Variants in SYNPO2L observed in about 807,000 individuals in gnomAD.
SYNPO2L encodes synaptopodin 2 like, also known as synaptopodin 2-like protein.
Under a neutral mutation model 47.5 loss-of-function variants are expected in SYNPO2L, and 34 were observed. That is an observed-to-expected ratio of 0.72 (90% CI 0.54 to 0.95). SYNPO2L has a LOEUF of 0.95. Ranked by LOEUF, SYNPO2L falls within the 40% of genes least tolerant of loss-of-function variation. SYNPO2L has a pLI of 0.00. For missense variants in SYNPO2L, 1,246 were observed against 1,282.0 expected (o/e 0.97, Z 0.43); for synonymous variants, 536 against 524.9 (o/e 1.02, Z -0.29).
In SYNPO2L at chr10:73,646,700, C is replaced by A. The variant is rs2132415241; in HGVS notation, c.*18G>T. ...ACTGGATGTTCCACCTCTCCTTGGT[C>A]CTGGGACCTGTGCCTGTTCACTGGT... is the stretch of plus-strand genomic sequence containing the variant. On this transcript the variant is annotated 3_prime_UTR_variant, in exon 4 of 4. Coordinates refer to ENST00000394810, the MANE Select transcript of SYNPO2L (RefSeq NM_001114133.3). 1 of 1,460,492 alleles carries A rather than the reference C, an allele frequency of 6.8e-7. No homozygotes were observed. The highest frequency in any genetic ancestry group is 1.7e-5 in the South Asian group (1 of 59,372). The allele number at this position is 1,460,492 out of a possible 1,614,324, so 90.5% of individuals were successfully genotyped here. A position where few individuals can be genotyped will look rare whatever the true frequency, so the allele number is the denominator to read the frequency against.
intron 3 of SYNPO2L, chr10:73,651,158 C>A: frequency 8.2e-7 from 1 of 1,214,706 alleles, no homozygotes; most frequent in South Asian, 2.0e-5. Context: ...CTGGGCTGCC[C>A]CACAAGTGCC....
rs759365161 is a variant in SYNPO2L at position 73,648,825 on chromosome 10, T to C, written c.827A>G (p.Lys276Arg). 1 of 1,569,966 alleles carries C rather than the reference T, an allele frequency of 6.4e-7. No individual in the cohort carries two copies. The highest frequency in any genetic ancestry group is 8.6e-7 in the Non-Finnish European group (1 of 1,156,518). Residue 276 changes from lysine (K) to arginine (R), a missense_variant, in exon 4 of 4, where the codon AAA becomes AGA. Lys to Arg is a conservative substitution (Grantham distance 26). This residue lies in a region of SYNPO2L where 1,037 missense variants were observed against 1,021.5 expected (regional missense o/e 1.02). Transcript: ENST00000394810. ...QEKSIKEAKT[K>R]CRTIASLLTA... is the part of the protein sequence containing the mutation. ...GAGCAGGGATGCAATTGTCCTGCAT[T>C]TGGTCTTGGCCTCTTTTATGCTCTT...
intron 3 of SYNPO2L, among the ~76,000 whole-genome samples, chr10:73,651,936 G>A (rs1339176319): frequency 4.0e-5 from 6 of 151,490 alleles, no homozygotes; most frequent in Non-Finnish European, 8.8e-5. Flanking sequence ...TTAGCCAGGT[G>A]TAGTGGCGGG....
At chr10:73,653,893 C>T in intron 2 of SYNPO2L, 2 of 731,658 alleles carry the variant, frequency 2.7e-6, no homozygotes, top group Admixed American at 3.0e-5. Context: ...GAGGAGGAAA[C>T]AGGCCAGGGG....
Position 73,647,613 on chromosome 10 carries a change from C to G in SYNPO2L, c.2039G>C (p.Gly680Ala). The G allele has an allele frequency of 6.2e-7, 1 of 1,614,150 alleles. No homozygotes were observed. The highest frequency in any genetic ancestry group is 1.7e-4 in the Middle Eastern group (1 of 6,058). The change falls in exon 4 of 4, where the codon GGG (glycine) becomes GCG (alanine). Residue 680 changes from glycine to alanine, a missense_variant. Gly to Ala is a moderately conservative substitution (Grantham distance 60). Transcript: ENST00000394810. ...SGPEEDALSL[G>A]AEACNFMQPV... is the part of the protein sequence containing the mutation. ...CTGCATGAAGTTGCAGGCTTCAGCC[C>G]CGAGGCTCAGAGCATCTTCTTCAGG...
At chr10:73,651,572 T>TA (rs749084607) in intron 3 of SYNPO2L, among the ~76,000 whole-genome samples, 6 of 152,130 alleles carry the variant, frequency 3.9e-5, no homozygotes, top group Admixed American at 6.5e-5. Flanking sequence ...CGTTTACCCT[T>TA]AGACCTTGTT....
intron 3 of SYNPO2L, among the ~76,000 whole-genome samples, chr10:73,652,548 T>C (rs1314035272): frequency 6.6e-6 from 1 of 152,142 alleles, no homozygotes; most frequent in Non-Finnish European, 1.5e-5. Flanking sequence ...CGGGTGCCTA[T>C]AATCCCAGCT....
rs1411006755 is a variant in SYNPO2L at position 73,653,401 on chromosome 10, G to T, written c.510C>A (p.Ala170=). 12 of 1,551,424 alleles carry T rather than the reference G, an allele frequency of 7.7e-6. No homozygotes were observed. The highest frequency in any genetic ancestry group is 1.0e-5 in the Non-Finnish European group (12 of 1,146,948). ...CAGACAGGTAGACCTCATCAGGTGG[G>T]GCACCCGGAGGGGTGGGCCTTGTGG... The part of the protein sequence containing the change: ...RGPTRPTPPG[A]PPDEVYLSDS... The change falls in exon 3 of 4, where the codon GCC becomes GCA. Residue 170 remains alanine (A), a synonymous_variant. Transcript: ENST00000394810.
chr10:73,650,793 A>G (rs1258226638), intron 3 of SYNPO2L: 1 of 1,354,986 alleles, frequency 7.4e-7, no homozygotes, highest in African/African-American at 1.6e-5. Flanking sequence ...GAGGAAGAGG[A>G]CAGCAAAAAG....
chr10:73,647,821 C>T lies in SYNPO2L; in HGVS notation c.1831G>A (p.Glu611Lys). 2 of 1,591,342 alleles carry T rather than the reference C, an allele frequency of 1.3e-6. No individual in the cohort carries two copies. The highest frequency in any genetic ancestry group is 1.1e-5 in the South Asian group (1 of 87,940). ...GCAGCTGGCACAGAGATGCGCTGCT[C>T]GCGAGCGCTGGGGGGCTCAGGAGCC... The part of the protein sequence containing the change: ...PGAPEPPSAR[E>K]QRISVPAART... Residue 611 changes from glutamate (E) to lysine (K), a missense_variant, in exon 4 of 4, where the codon GAG becomes AAG. This residue lies in a region of SYNPO2L where 1,037 missense variants were observed against 1,021.5 expected (regional missense o/e 1.02). Coordinates refer to ENST00000394810, the MANE Select transcript of SYNPO2L (RefSeq NM_001114133.3).
chr10:73,653,684 A>G (rs1190946957), intron 2 of SYNPO2L, 31 bp from the exon 3 acceptor site: 2 of 1,510,148 alleles, frequency 1.3e-6, no homozygotes, highest in African/African-American at 2.8e-5. Flanking sequence ...AGCTTGAGAG[A>G]TGGGCTGGGT....
intron 1 of SYNPO2L, 78 bp downstream of exon 1, chr10:73,655,740 A>C: frequency 2.1e-5 from 1 of 46,764 alleles, no homozygotes; most frequent in Non-Finnish European, 4.1e-5. Flanking sequence ...AACCCCCGCC[A>C]TATGCCACCA....
chr10:73,651,051 A>AC (rs747251640), intron 3 of SYNPO2L: 6 of 1,584,754 alleles, frequency 3.8e-6, no homozygotes, highest in East Asian at 2.3e-5. Flanking sequence ...AGCTTGAGCC[A>AC]CCCCCCACGC....
Position 73,648,499 on chromosome 10 carries a change from C to G in SYNPO2L, c.1153G>C (p.Gly385Arg). 1 of 1,613,772 alleles carries G rather than the reference C, an allele frequency of 6.2e-7. No individual in the cohort carries two copies. Among genetic ancestry groups the G allele is most frequent in the Non-Finnish European group, 8.5e-7 (1 of 1,179,934 alleles). ...GLGGQLSEVS[G>R]RGVQLFEQQR... ...TGTTCAAAGAGCTGCACCCCTCGCC[C>G]AGAGACCTCACTCAGCTGCCCTCCC... The change falls in exon 4 of 4, where the codon GGG (glycine) becomes CGG (arginine). Residue 385 changes from glycine to arginine, a missense_variant. Gly to Arg is a moderately radical substitution (Grantham distance 125). This residue lies in a region of SYNPO2L where 1,037 missense variants were observed against 1,021.5 expected (regional missense o/e 1.02). Coordinates refer to ENST00000394810, the MANE Select transcript of SYNPO2L (RefSeq NM_001114133.3).
Position 73,645,127 on chromosome 10 carries a change from T to C in SYNPO2L, c.*1591A>G. On this transcript the variant is annotated 3_prime_UTR_variant, in exon 4 of 4. Transcript: ENST00000394810. The stretch of plus-strand genomic sequence containing the variant: ...TTGGCTCTGGGTATTTCCCTACTCT[T>C]TCCCAGGCAGTCATGGCAAGCTGCA... 1 of 1,217,616 alleles carries C rather than the reference T, an allele frequency of 8.2e-7. No individual in the cohort carries two copies. The allele number at this position is 1,217,616 out of a possible 1,614,324, so 75.4% of individuals were successfully genotyped here.
At position 73,655,918 on chromosome 10, in the gene SYNPO2L, C is replaced by T. The variant is rs781370760; in HGVS notation, c.5G>A (p.Gly2Asp). Residue 2 changes from glycine (G) to aspartate (D), a missense_variant, in exon 1 of 4, where the codon GGT becomes GAT. Physicochemically the swap from Gly to Asp is moderately conservative, Grantham distance 94. This residue lies in a region of SYNPO2L where 61 missense variants were observed against 55.6 expected (regional missense o/e 1.10). Coordinates refer to ENST00000394810, the MANE Select transcript of SYNPO2L (RefSeq NM_001114133.3). The stretch of plus-strand genomic sequence containing the variant: ...TGTGACCAGCACCTCCTCCTCAGCA[C>T]CCATCGCTCAGCTTGGCCTATGGCC... M[G>D]AEEEVLVTLS... is the part of the protein sequence containing the mutation. The T allele has an allele frequency of 3.2e-6, 5 of 1,550,822 alleles. No individual in the cohort carries two copies. Among genetic ancestry groups the T allele is most frequent in the Middle Eastern group, 1.7e-4 (1 of 6,008 alleles).
Position 73,655,967 on chromosome 10 carries a change from A to G in SYNPO2L, c.-45T>C, listed in dbSNP as rs1045164051. On this transcript the variant is annotated 5_prime_UTR_variant, in exon 1 of 4. Transcript: ENST00000394810. ...CCCCCGGAGTTTGAACAGTGTCCCC[A>G]GGAGAGAAGTTGAGGTGCTCGAACC... 3.3e-5 allele frequency: 49 copies of G among 1,501,998 alleles called. 1 individual carries two copies. Among genetic ancestry groups the G allele is most frequent in the Non-Finnish European group, 3.9e-5 (44 of 1,116,352 alleles). The allele number at this position is 1,501,998 out of a possible 1,614,324, so 93.0% of individuals were successfully genotyped here.
chr10:73,652,299 T>C (rs1456593578), intron 3 of SYNPO2L, among the ~76,000 whole-genome samples: 3 of 152,018 alleles, frequency 2.0e-5, no homozygotes, highest in Non-Finnish European at 4.4e-5. Context: ...ACCATAGACA[T>C]GTGCCACAGT....
Position 73,645,133 on chromosome 10 carries a change from G to T in SYNPO2L, c.*1585C>A. The T allele has an allele frequency of 1.6e-6, 2 of 1,213,614 alleles. No individual in the cohort carries two copies. Among genetic ancestry groups the T allele is most frequent in the Non-Finnish European group, 2.1e-6 (2 of 955,436 alleles). 75.2% of individuals were successfully genotyped at this position (1,213,614 alleles called of 1,614,324 possible). ...CTGGGTATTTCCCTACTCTTTCCCAGGCAGTCATGGCAAGCTGCAGAAGAC... is the reference window on the plus strand; with the variant it reads ...CTGGGTATTTCCCTACTCTTTCCCATGCAGTCATGGCAAGCTGCAGAAGAC... On this transcript the variant is annotated 3_prime_UTR_variant, in exon 4 of 4. Transcript: ENST00000394810.
Sources: gnomAD v4.1 joint callset for allele counts (sites outside exome capture counted in the v4.1 genomes callset) on GRCh38, gnomAD v4.1.1 for gene constraint, gnomAD v4.1.1 regional missense constraint, MANE v1.5 for transcripts, NCBI Gene and HGNC (gene_info 2026-07-23, HGNC 2026-07-21) for gene names.